PRDM16: variants seen among roughly 807,000 people sequenced by gnomAD.
The protein encoded by PRDM16 is histone-lysine N-methyltransferase PRDM16.
A neutral mutation model predicts 110.6 loss-of-function variants in PRDM16; 23 were observed. That is an observed-to-expected ratio of 0.21 (90% CI 0.15 to 0.29). The LOEUF (loss-of-function observed/expected upper bound fraction) is 0.29, where lower values mean the gene tolerates loss of function less well. Among genes scored for constraint, PRDM16 ranks in the 10% least tolerant of loss-of-function variants. The probability of loss-of-function intolerance (pLI) is 1.00; values close to 1 mark genes in which losing one functional copy is unlikely to be tolerated. For missense variants in PRDM16, 1,615 were observed against 1,794.3 expected (o/e 0.90, Z 1.81); for synonymous variants, 799 against 781.8 (o/e 1.02, Z -0.37).
chr1:3,347,194 G>A (rs550866772), intron 3 of PRDM16, among the ~76,000 whole-genome samples: 20 of 152,366 alleles, frequency 1.3e-4, no homozygotes, highest in African/African-American at 4.6e-4. Flanking sequence ...ACTGGTTCCT[G>A]GATGATGGTC....
chr1:3,352,905 G>C (rs1271985075), intron 3 of PRDM16, among the ~76,000 whole-genome samples: 3 of 152,198 alleles, frequency 2.0e-5, no homozygotes, highest in Non-Finnish European at 4.4e-5. Flanking sequence ...GTTCACACAA[G>C]TCCCACGTCG....
intron 1 of PRDM16, among the ~76,000 whole-genome samples, chr1:3,159,291 G>A (rs1243524359): frequency 6.6e-6 from 1 of 152,260 alleles, no homozygotes; most frequent in Non-Finnish European, 1.5e-5. Context: ...TCGCCAGCAA[G>A]GGCCGCCATC....
rs866759216 is a variant in PRDM16 at position 3,165,543 on chromosome 1, T to C, written c.38-20582T>C. 1.8e-3 allele frequency among the ~76,000 whole-genome samples: 202 copies of C among 113,674 alleles called. 1 individual carries two copies. The highest frequency in any genetic ancestry group is 7.8e-3 in the African/African-American group (175 of 22,472). The allele number at this position is 113,674 out of a possible 152,430, so 74.6% of individuals were successfully genotyped here. A position where few individuals can be genotyped will look rare whatever the true frequency, so the allele number is the denominator to read the frequency against. Reference sequence around the variant, plus strand: ...CTCAGGGACAGTGACTCACCTGGGCTCAGGGACAGGGACTCACCAGGGCTC... The same window carrying C: ...CTCAGGGACAGTGACTCACCTGGGCCCAGGGACAGGGACTCACCAGGGCTC... On this transcript the variant is annotated intron_variant, in intron 1 of 16. Transcript: ENST00000270722.
chr1:3,310,909 TG>T (rs1385443426), intron 3 of PRDM16, among the ~76,000 whole-genome samples: 1 of 151,998 alleles, frequency 6.6e-6, no homozygotes, highest in Non-Finnish European at 1.5e-5. Flanking sequence ...TGGGCATGTG[TG>T]GGCACGTGTG....
rs1410635089 is a variant in PRDM16, at chr1:3,437,718, T to C, written c.*3907T>C. The stretch of plus-strand genomic sequence containing the variant: ...CCATTTTTGTGTTTGTTTTGTTCTT[T>C]TCTGTCACTGATCCGTATTACCACT... On this transcript the variant is annotated 3_prime_UTR_variant, in exon 17 of 17. Transcript: ENST00000270722. The C allele has an allele frequency of 4.5e-6, 1 of 223,958 alleles. No homozygotes were observed. The highest frequency in any genetic ancestry group is 2.2e-5 in the African/African-American group (1 of 44,802). The allele number at this position is 223,958 out of a possible 1,614,324, so 13.9% of individuals were successfully genotyped here.
intron 1 of PRDM16, among the ~76,000 whole-genome samples, chr1:3,111,967 G>C (rs1342670565): frequency 6.6e-6 from 1 of 152,212 alleles, no homozygotes; most frequent in Non-Finnish European, 1.5e-5. Flanking sequence ...AAGGCTGATG[G>C]GCCGGCGCGG....
intron 1 of PRDM16, among the ~76,000 whole-genome samples, chr1:3,114,438 CAG>C (rs764489552): frequency 5.2e-5 from 7 of 134,552 alleles, no homozygotes; most frequent in Middle Eastern, 4.1e-3. Context: ...CAGGTGTAAA[CAG>C]ACGCACACGC....
At chr1:3,402,477 CG>C (rs773441040) in intron 5 of PRDM16, among the ~76,000 whole-genome samples, 2 of 152,250 alleles carry the variant, frequency 1.3e-5, no homozygotes, top group Non-Finnish European at 2.9e-5. Flanking sequence ...CACTCCCGAG[CG>C]GGGCCTTCTC....
intron 6 of PRDM16, among the ~76,000 whole-genome samples, chr1:3,403,782 T>A (rs1377582195): frequency 6.6e-6 from 1 of 152,146 alleles, no homozygotes; most frequent in Admixed American, 6.5e-5. Context: ...CCTCCTGCCT[T>A]TGAGGATTTC....
intron 3 of PRDM16, among the ~76,000 whole-genome samples, chr1:3,367,449 T>C (rs1294367289): frequency 6.6e-6 from 1 of 152,204 alleles, no homozygotes; most frequent in Non-Finnish European, 1.5e-5. Context: ...CTCTTTGCTG[T>C]GGTTGAGCCA....
At chr1:3,176,285 T>TCCATCCATCCATCCATCCATCCAC (rs1644088160) in intron 1 of PRDM16, among the ~76,000 whole-genome samples, 1 of 152,154 alleles carries the variant, frequency 6.6e-6, no homozygotes. Flanking sequence ...CATCCATCCA[T>TCCATCCATCCATCCATCCATCCAC]CCATCTATCC....
chr1:3,181,045 CG>C (rs1557507734), intron 1 of PRDM16, among the ~76,000 whole-genome samples: 1 of 147,402 alleles, frequency 6.8e-6, no homozygotes, highest in Non-Finnish European at 1.5e-5. Context: ...GTCTTACACA[CG>C]CAGTCTTACA....
rs562525416 is a variant in PRDM16, at chr1:3,139,152, G to A, written c.38-46973G>A. On this transcript the variant is annotated intron_variant, in intron 1 of 16. Coordinates refer to ENST00000270722, the MANE Select transcript of PRDM16 (RefSeq NM_022114.4). ...CACGTGGACGAGTTTTCAGGTTCTCGTTTCAGAGCGGACGGTTGCTTCATC... is the reference window on the plus strand; with the variant it reads ...CACGTGGACGAGTTTTCAGGTTCTCATTTCAGAGCGGACGGTTGCTTCATC... Among the ~76,000 whole-genome samples, 30 of 149,870 alleles carry A rather than the reference G, an allele frequency of 2.0e-4. No individual in the cohort carries two copies. The South Asian group carries it at 4.9e-3, about 24-fold the overall frequency.
chr1:3,202,511 C>T (rs1638653725), intron 2 of PRDM16, among the ~76,000 whole-genome samples: 1 of 152,198 alleles, frequency 6.6e-6, no homozygotes, highest in Non-Finnish European at 1.5e-5. Context: ...CAGACACCTG[C>T]TCGAGCCTAA....
At position 3,211,507 on chromosome 1, in the gene PRDM16, G is replaced by A. The variant is rs183792970; in HGVS notation, c.387+25033G>A. The stretch of plus-strand genomic sequence containing the variant: ...AAGGCAGAGTCTCTTGGGGCCCGTC[G>A]GGGGCTGCAGCAGATTCGTGTCTTG... On this transcript the variant is annotated intron_variant, in intron 2 of 16. Coordinates refer to ENST00000270722, the MANE Select transcript of PRDM16 (RefSeq NM_022114.4). 2.0e-3 allele frequency among the ~76,000 whole-genome samples: 299 copies of A among 152,310 alleles called. 1 individual carries two copies. The highest frequency in any genetic ancestry group is 4.6e-3 in the Admixed American group (71 of 15,292).
chr1:3,255,332 G>C lies in PRDM16; in HGVS notation c.438+11195G>C, dbSNP rs1640018099. ...ATGCAGGAGACGGTTTCCAAATGCA[G>C]CCTGCAGACCCCACAGTGGGGTCCT... On this transcript the variant is annotated intron_variant, in intron 3 of 16. Coordinates refer to ENST00000270722, the MANE Select transcript of PRDM16 (RefSeq NM_022114.4). The surrounding 1 kb of genome is among the most constrained non-coding windows in gnomAD (Gnocchi z 4.7). 1.3e-5 allele frequency among the ~76,000 whole-genome samples: 2 copies of C among 152,170 alleles called. No homozygotes were observed. Among genetic ancestry groups the C allele is most frequent in the Non-Finnish European group, 2.9e-5 (2 of 68,032 alleles).
intron 3 of PRDM16, among the ~76,000 whole-genome samples, chr1:3,273,400 T>C (rs1452333235): frequency 6.6e-6 from 1 of 152,150 alleles, no homozygotes; most frequent in African/African-American, 2.4e-5. Flanking sequence ...TACTCTGATC[T>C]GTGTGTGGAG....
At chr1:3,070,374 C>T (rs1443831441) in intron 1 of PRDM16, among the ~76,000 whole-genome samples, 1 of 147,760 alleles carries the variant, frequency 6.8e-6, no homozygotes, top group East Asian at 1.9e-4. Flanking sequence ...GTCGCCGGCG[C>T]CATCCGCGGT....
At chr1:3,323,359 C>T (rs1215298723) in intron 3 of PRDM16, among the ~76,000 whole-genome samples, 2 of 152,210 alleles carry the variant, frequency 1.3e-5, no homozygotes, top group East Asian at 1.9e-4. Context: ...CCACGTGGGG[C>T]GGGCGGCATT....
Sources: gnomAD v4.1 joint callset for allele counts (sites outside exome capture counted in the v4.1 genomes callset) on GRCh38, gnomAD v4.1.1 for gene constraint, Gnocchi (gnomAD v3.1) non-coding constraint, MANE v1.5 for transcripts, NCBI Gene and HGNC (gene_info 2026-07-23, HGNC 2026-07-21) for gene names.